BTBD10: variants seen among roughly 807,000 people sequenced by gnomAD.
BTBD10 encodes BTB domain containing 10, also known as BTB/POZ domain-containing protein 10.
Under a neutral mutation model 53.2 loss-of-function variants are expected in BTBD10, and 21 were observed. The ratio of observed to expected loss-of-function variants is 0.39; its 90% CI spans 0.28 to 0.57. The LOEUF (loss-of-function observed/expected upper bound fraction) is 0.57, where lower values mean the gene tolerates loss of function less well. Among genes scored for constraint, BTBD10 ranks in the 20% least tolerant of loss-of-function variants. The pLI, the probability that BTBD10 is intolerant of heterozygous loss-of-function variation, is 0.53. For missense variants in BTBD10, 360 were observed against 594.7 expected (o/e 0.61, Z 4.10); for synonymous variants, 149 against 192.7 (o/e 0.77, Z 1.88).
chr11:13,404,261 G>A (rs1949769904), intron 7 of BTBD10, among the ~76,000 whole-genome samples: 1 of 152,082 alleles, frequency 6.6e-6, no homozygotes, highest in African/African-American at 2.4e-5. Flanking sequence ...CTCCTCAAAT[G>A]AATCTTCTTT....
At chr11:13,400,765 G>T (rs1045523902) in intron 8 of BTBD10, among the ~76,000 whole-genome samples, 6 of 152,200 alleles carry the variant, frequency 3.9e-5, no homozygotes, top group Admixed American at 3.9e-4. Flanking sequence ...CTAACTTACA[G>T]TTCACAGAAA....
chr11:13,393,750 A>AT (rs1163298563), intron 8 of BTBD10, among the ~76,000 whole-genome samples: 5 of 152,256 alleles, frequency 3.3e-5, no homozygotes, highest in Admixed American at 2.6e-4. Context: ...TTAAGTGGAA[A>AT]TTTTTTTAAT....
At position 13,421,694 on chromosome 11, in the gene BTBD10, C is replaced by A; in HGVS notation, c.246G>T (p.Gln82His). Reference sequence around the variant, plus strand: ...TCACATTTCTAATACAAGGAGTGAGCTGAGACTCCGTTCTTTCATGAGATG... The same window carrying A: ...TCACATTTCTAATACAAGGAGTGAGATGAGACTCCGTTCTTTCATGAGATG... The part of the protein sequence containing the change: ...RDSSHERTES[Q>H]LTPCIRNVTS... Residue 82 changes from glutamine (Q) to histidine (H), a missense_variant, in exon 3 of 9, where the codon CAG becomes CAT. Physicochemically the swap from Gln to His is conservative, Grantham distance 24. This residue lies in a region of BTBD10 where 109 missense variants were observed against 118.6 expected (regional missense o/e 0.92). Transcript: ENST00000278174. 1.2e-6 allele frequency: 2 copies of A among 1,614,020 alleles called. No homozygotes were observed. The highest frequency in any genetic ancestry group is 1.7e-6 in the Non-Finnish European group (2 of 1,179,992).
rs1189466696 is a variant in BTBD10, at chr11:13,421,852, A to C, written c.102-14T>G. ...CGCGAGGAAGTACTGATAAGTTAGA[A>C]AGGAAAATTAACCATAAAAGCAGAA... On this transcript the variant is annotated splice_polypyrimidine_tract_variant and intron_variant, in intron 2 of 8. Coordinates refer to ENST00000278174, the MANE Select transcript of BTBD10 (RefSeq NM_032320.7). The C allele has an allele frequency of 3.2e-6, 5 of 1,581,228 alleles. No homozygotes were observed. Among genetic ancestry groups the C allele is most frequent in the Non-Finnish European group, 4.3e-6 (5 of 1,160,392 alleles).
At chr11:13,431,528 C>A (rs994676260) in intron 2 of BTBD10, among the ~76,000 whole-genome samples, 1 of 152,134 alleles carries the variant, frequency 6.6e-6, no homozygotes, top group South Asian at 2.1e-4. Context: ...CTTAATAATG[C>A]TTCTGTTTTC....
chr11:13,390,588 C>T (rs185613192), intron 8 of BTBD10, among the ~76,000 whole-genome samples: 321 of 152,276 alleles, frequency 2.1e-3, no homozygotes, highest in Middle Eastern at 6.8e-3. Context: ...CAGTGATCCT[C>T]GGCTTCCCAT....
intron 1 of BTBD10, among the ~76,000 whole-genome samples, chr11:13,457,109 C>T (rs189496264): frequency 1.3e-5 from 2 of 152,002 alleles, no homozygotes; most frequent in East Asian, 1.9e-4. Context: ...CTGCAGTGAG[C>T]GGTGATCATG....
chr11:13,425,966 A>T (rs1950330463), intron 2 of BTBD10, among the ~76,000 whole-genome samples: 1 of 152,178 alleles, frequency 6.6e-6, no homozygotes, highest in African/African-American at 2.4e-5. Flanking sequence ...TTTGAAGACA[A>T]CGCAATAGGA....
intron 6 of BTBD10, among the ~76,000 whole-genome samples, chr11:13,407,683 G>A (rs1949861012): frequency 6.6e-6 from 1 of 152,152 alleles, no homozygotes; most frequent in Non-Finnish European, 1.5e-5. Flanking sequence ...TCTGCAAGGT[G>A]ACCTTGACAT....
At chr11:13,438,229 T>C (rs1950579085) in intron 2 of BTBD10, among the ~76,000 whole-genome samples, 3 of 152,072 alleles carry the variant, frequency 2.0e-5, no homozygotes, top group Admixed American at 2.0e-4. Flanking sequence ...TTTTCCTGAT[T>C]TTTTGTTTAT....
Position 13,459,063 on chromosome 11 carries a change from T to TA in BTBD10, c.-58+4028_-58+4029insT, listed in dbSNP as rs1555034652. Among the ~76,000 whole-genome samples, 1,000 of 115,604 alleles carry TA rather than the reference T, an allele frequency of 8.7e-3. 15 individuals are homozygous for TA. Among genetic ancestry groups the TA allele is most frequent in the African/African-American group, 0.026 (930 of 36,342 alleles). The allele number at this position is 115,604 out of a possible 152,430, so 75.8% of individuals were successfully genotyped here. A position where few individuals can be genotyped will look rare whatever the true frequency, so the allele number is the denominator to read the frequency against. On this transcript the variant is annotated intron_variant, in intron 1 of 8. Coordinates refer to ENST00000278174, the MANE Select transcript of BTBD10 (RefSeq NM_032320.7). ...ATTTATTTTTTTATTTATTTATTTT[T>TA]TTTTTTTTTTTGAGACGGAGTCTCG...
chr11:13,461,772 C>A (rs1205766174), intron 1 of BTBD10, among the ~76,000 whole-genome samples: 1 of 152,186 alleles, frequency 6.6e-6, no homozygotes, highest in South Asian at 2.1e-4. Flanking sequence ...TGATTGAACA[C>A]TGTTACTCTC....
chr11:13,456,846 T>C (rs1320416436), intron 1 of BTBD10, among the ~76,000 whole-genome samples: 6 of 152,298 alleles, frequency 3.9e-5, no homozygotes, highest in East Asian at 3.9e-4. Flanking sequence ...GTCTCAATAC[T>C]GGCATACACT....
At chr11:13,459,535 T>C (rs1951047333) in intron 1 of BTBD10, 1 of 152,194 alleles carries the variant, frequency 6.6e-6, no homozygotes, top group African/African-American at 2.4e-5. Context: ...GTAACATCTG[T>C]ATCTTCCTGA....
At chr11:13,428,802 GA>G (rs1950394590) in intron 2 of BTBD10, among the ~76,000 whole-genome samples, 1 of 152,066 alleles carries the variant, frequency 6.6e-6, no homozygotes, top group African/African-American at 2.4e-5. Context: ...AATATGGCAA[GA>G]AAAGACATTC....
At chr11:13,391,497 G>C (rs1317944658) in intron 8 of BTBD10, among the ~76,000 whole-genome samples, 1 of 152,126 alleles carries the variant, frequency 6.6e-6, no homozygotes, top group Non-Finnish European at 1.5e-5. Flanking sequence ...TAAATAATGA[G>C]TTCCTATATG....
intron 7 of BTBD10, chr11:13,405,408 G>A (rs1949801537): frequency 2.8e-6 from 1 of 355,536 alleles, no homozygotes; most frequent in South Asian, 6.1e-5. Flanking sequence ...CATGGGCGGG[G>A]CATATTCTTC....
At chr11:13,438,809 T>G (rs1030946689) in intron 2 of BTBD10, among the ~76,000 whole-genome samples, 21 of 152,040 alleles carry the variant, frequency 1.4e-4, no homozygotes, top group Admixed American at 3.9e-4. Flanking sequence ...CATTATTATC[T>G]TAAAAGAATC....
intron 2 of BTBD10, among the ~76,000 whole-genome samples, chr11:13,430,711 T>C (rs115876568): frequency 7.0e-4 from 106 of 152,264 alleles, no homozygotes; most frequent in African/African-American, 2.5e-3. Flanking sequence ...AATGATTTAC[T>C]GACACAAGTT....
Sources: gnomAD v4.1 joint callset for allele counts (sites outside exome capture counted in the v4.1 genomes callset) on GRCh38, gnomAD v4.1.1 for gene constraint, gnomAD v4.1.1 regional missense constraint, MANE v1.5 for transcripts, NCBI Gene and HGNC (gene_info 2026-07-23, HGNC 2026-07-21) for gene names.